The following TRPC6 variants were observed in gnomAD, a reference collection of about 807,000 sequenced individuals.
The protein encoded by TRPC6 is short transient receptor potential channel 6.
TRPC6 carries 55 observed loss-of-function variants against 90.7 expected under a neutral mutation model. The ratio of observed to expected loss-of-function variants is 0.61; its 90% CI spans 0.49 to 0.76. The LOEUF is 0.76. TRPC6 is among the 30% of genes least tolerant of loss of function. The pLI, the probability that TRPC6 is intolerant of heterozygous loss-of-function variation, is 0.00. For missense variants in TRPC6, 989 were observed against 1,122.7 expected (o/e 0.88, Z 1.70); for synonymous variants, 393 against 393.0 (o/e 1.00, Z 0.00).
intron 1 of TRPC6, among the ~76,000 whole-genome samples, chr11:101,558,203 GTGTATACATGTATATA>G (rs1293779389): frequency 2.5e-5 from 2 of 79,990 alleles, no homozygotes; most frequent in Non-Finnish European, 4.9e-5. Context: ...ATATATGTGT[GTGTATACATGTATATA>G]TGTATACATG....
chr11:101,476,624 G>C (rs1459068673), intron 5 of TRPC6, 90 bp from the exon 6 acceptor site: 1 of 1,223,824 alleles, frequency 8.2e-7, no homozygotes, highest in East Asian at 2.4e-5. Context: ...GTCTCAGCCT[G>C]ACATTACAAA....
chr11:101,491,568 A>G lies in TRPC6; in HGVS notation c.1116T>C (p.Tyr372=), dbSNP rs1328060325. ...NLSRLKLAIK[Y]EVKKFVAHPN... Reference sequence around the variant, plus strand: ...CGCCTGACCTTACTTTTTTTACTTCATATTTAATGGCAAGTTTTAAACGGC... The same window carrying G: ...CGCCTGACCTTACTTTTTTTACTTCGTATTTAATGGCAAGTTTTAAACGGC... Residue 372 remains tyrosine, a synonymous_variant, in exon 3 of 13, where the codon TAT becomes TAC. Coordinates refer to ENST00000344327, the MANE Select transcript of TRPC6 (RefSeq NM_004621.6). 1 of 1,613,980 alleles carries G rather than the reference A, an allele frequency of 6.2e-7. No individual in the cohort carries two copies. The highest frequency in any genetic ancestry group is 2.2e-5 in the East Asian group (1 of 44,868).
In TRPC6 at chr11:101,499,586, G is replaced by GTGATATATATATATA. The variant is rs146159741; in HGVS notation, c.945+4437_945+4438insTATATATATATATCA. ...ATATACATAAATGGTGTATATATACGTATATATATACGTATATATGGTATA... is the reference window on the plus strand; with the variant it reads ...ATATACATAAATGGTGTATATATACGTGATATATATATATATATATATATACGTATATATGGTATA... On this transcript the variant is annotated intron_variant, in intron 2 of 12. Transcript: ENST00000344327. 1.9e-3 allele frequency among the ~76,000 whole-genome samples: 86 copies of GTGATATATATATATA among 45,578 alleles called. 6 individuals carry two copies. The highest frequency in any genetic ancestry group is 8.2e-3 in the African/African-American group (66 of 8,020). The allele number at this position is 45,578 out of a possible 152,430, so 29.9% of individuals were successfully genotyped here. A position where few individuals can be genotyped will look rare whatever the true frequency, so the allele number is the denominator to read the frequency against.
chr11:101,507,983 A>G (rs1306639397), intron 1 of TRPC6, among the ~76,000 whole-genome samples: 6 of 151,826 alleles, frequency 4.0e-5, no homozygotes, highest in Non-Finnish European at 5.9e-5. Context: ...TATGTTCAAT[A>G]TTATTTATTA....
intron 10 of TRPC6, among the ~76,000 whole-genome samples, chr11:101,466,538 T>A (rs1490198858): frequency 6.6e-6 from 1 of 152,226 alleles, no homozygotes; most frequent in Non-Finnish European, 1.5e-5. Context: ...TCAGCAATAG[T>A]GGATGGCCCT....
intron 2 of TRPC6, among the ~76,000 whole-genome samples, chr11:101,502,608 A>T (rs1860156302): frequency 6.6e-6 from 1 of 152,270 alleles, no homozygotes; most frequent in East Asian, 1.9e-4. Context: ...ATCAGAGTTC[A>T]AAATGCTTTA....
At chr11:101,541,100 T>C (rs1219247132) in intron 1 of TRPC6, among the ~76,000 whole-genome samples, 1 of 152,220 alleles carries the variant, frequency 6.6e-6, no homozygotes, top group Non-Finnish European at 1.5e-5. Context: ...AAAATGTATA[T>C]TAATGTTCAT....
intron 9 of TRPC6, among the ~76,000 whole-genome samples, chr11:101,470,568 T>C (rs1400162295): frequency 1.4e-4 from 21 of 152,200 alleles, no homozygotes; most frequent in Non-Finnish European, 1.2e-4. Flanking sequence ...AAATTCCACA[T>C]GTTCTCTAAA....
Position 101,476,210 on chromosome 11 carries a change from T to C in TRPC6, c.1744+91A>G. On this transcript the variant is annotated intron_variant, in intron 6 of 12. Transcript: ENST00000344327. ...TGTTGGAAACTCACAAACAATTTTA[T>C]GAGAATTGTGCAGTAACCGAACTAC... 3.8e-6 allele frequency: 4 copies of C among 1,051,338 alleles called. No individual in the cohort carries two copies. The South Asian group carries it at 5.5e-5, about 15-fold the overall frequency. The allele number at this position is 1,051,338 out of a possible 1,614,324, so 65.1% of individuals were successfully genotyped here.
At position 101,453,046 on chromosome 11, in the gene TRPC6, T is replaced by A. The variant is rs769919415; in HGVS notation, c.2705A>T (p.Lys902Ile). The A allele has an allele frequency of 6.2e-7, 1 of 1,613,920 alleles. No individual in the cohort carries two copies. Residue 902 changes from lysine to isoleucine, a missense_variant, in exon 13 of 13, where the codon AAA becomes ATA. This residue lies in a region of TRPC6 where 191 missense variants were observed against 196.7 expected (regional missense o/e 0.97). Coordinates refer to ENST00000344327, the MANE Select transcript of TRPC6 (RefSeq NM_004621.6). ...SSLRYELLEE[K>I]SQNTEDLAEL... is the part of the protein sequence containing the mutation. ...TGCTAGGTCTTCTGTATTCTGAGAT[T>A]TTTCTTCAAGGAGTTCATAGCGGAG...
At chr11:101,573,883 A>AAAAAATCAGAAACCGT (rs1555015109) in intron 1 of TRPC6, among the ~76,000 whole-genome samples, 7 of 150,244 alleles carry the variant, frequency 4.7e-5, no homozygotes, top group Admixed American at 6.6e-5. Context: ...AATCCTGGGA[A>AAAAAATCAGAAACCGT]CAGTAGTGAA....
chr11:101,508,027 T>C (rs1860313580), intron 1 of TRPC6, among the ~76,000 whole-genome samples: 1 of 152,086 alleles, frequency 6.6e-6, no homozygotes, highest in Admixed American at 6.5e-5. Context: ...TTAGATTATA[T>C]CTATGAAAAT....
intron 1 of TRPC6, among the ~76,000 whole-genome samples, chr11:101,518,869 T>A (rs1022965196): frequency 2.0e-5 from 3 of 152,168 alleles, no homozygotes; most frequent in African/African-American, 7.2e-5. Flanking sequence ...TAAAAAAGAA[T>A]GAGATCCAGG....
At chr11:101,473,306 A>G (rs1859336542) in intron 7 of TRPC6, among the ~76,000 whole-genome samples, 1 of 152,140 alleles carries the variant, frequency 6.6e-6, no homozygotes, top group South Asian at 2.1e-4. Context: ...GGCTCTAAAA[A>G]TGTAAGTTAT....
chr11:101,511,716 G>C (rs573358475), intron 1 of TRPC6, among the ~76,000 whole-genome samples: 1 of 152,260 alleles, frequency 6.6e-6, no homozygotes, highest in South Asian at 2.1e-4. Flanking sequence ...CTAGGGCCAG[G>C]TGCGGTGGCT....
chr11:101,514,972 A>G (rs1860483636), intron 1 of TRPC6, among the ~76,000 whole-genome samples: 1 of 152,214 alleles, frequency 6.6e-6, no homozygotes, highest in Admixed American at 6.5e-5. Flanking sequence ...TCTGTCAGTT[A>G]CTACCTGTGT....
At chr11:101,511,795 C>T (rs1043662424) in intron 1 of TRPC6, among the ~76,000 whole-genome samples, 2 of 152,004 alleles carry the variant, frequency 1.3e-5, no homozygotes, top group African/African-American at 2.4e-5. Context: ...AGTTTGAGAT[C>T]GGCCTGGCCA....
chr11:101,579,680 G>A (rs1313799388), intron 1 of TRPC6, among the ~76,000 whole-genome samples: 6 of 152,140 alleles, frequency 3.9e-5, no homozygotes, highest in African/African-American at 9.7e-5. Context: ...CCCCAAAAAC[G>A]ATATTCTCAA....
At chr11:101,560,378 T>C (rs1419451253) in intron 1 of TRPC6, among the ~76,000 whole-genome samples, 1 of 152,092 alleles carries the variant, frequency 6.6e-6, no homozygotes, top group Non-Finnish European at 1.5e-5. Flanking sequence ...ATGAACACTA[T>C]CAATTTTATG....
Sources: allele counts gnomAD v4.1 joint callset (sites outside exome capture counted in the v4.1 genomes callset), GRCh38; gene constraint gnomAD v4.1.1; regional missense constraint gnomAD v4.1.1; transcripts MANE v1.5; gene names NCBI Gene and HGNC (gene_info 2026-07-23, HGNC 2026-07-21).